The following RUNX1T1 variants were observed in gnomAD, a reference collection of about 807,000 sequenced individuals.
RUNX1T1 encodes RUNX1 partner transcriptional co-repressor 1, also known as protein CBFA2T1.
A neutral mutation model predicts 62.8 loss-of-function variants in RUNX1T1; 4 were observed. That is an observed-to-expected ratio of 0.06 (90% CI 0.03 to 0.15). RUNX1T1 has a LOEUF of 0.15. RUNX1T1 is among the 10% of genes least tolerant of loss of function. RUNX1T1 has a pLI of 1.00. For missense variants in RUNX1T1, 508 were observed against 754.3 expected (o/e 0.67, Z 3.82); for synonymous variants, 291 against 286.0 (o/e 1.02, Z -0.18).
chr8:91,986,309 A>G, exon 8 of RUNX1T1: 2 of 1,613,404 alleles, frequency 1.2e-6, no homozygotes, highest in Non-Finnish European at 1.7e-6. Flanking sequence ...TACCATGTCC[A>G]TTATGCAGTT....
At chr8:92,052,033 C>T (rs1351502367) in intron 1 of RUNX1T1, among the ~76,000 whole-genome samples, 3 of 152,136 alleles carry the variant, frequency 2.0e-5, no homozygotes, top group Non-Finnish European at 4.4e-5. Context: ...TATTTTATCA[C>T]AGGAGGCAGA....
At chr8:92,040,688 C>T (rs1246973104) in intron 1 of RUNX1T1, among the ~76,000 whole-genome samples, 1 of 152,098 alleles carries the variant, frequency 6.6e-6, no homozygotes, top group Non-Finnish European at 1.5e-5. Context: ...TTGTAAAAAT[C>T]TTTGTACATG....
intron 1 of RUNX1T1, among the ~76,000 whole-genome samples, chr8:92,094,874 T>C (rs1431070886): frequency 6.6e-6 from 1 of 152,180 alleles, no homozygotes; most frequent in East Asian, 1.9e-4. Flanking sequence ...ACTAATCAAG[T>C]TGTTAAGCAG....
chr8:92,072,649 T>G (rs1048485252), intron 2 of RUNX1T1, among the ~76,000 whole-genome samples: 9 of 152,220 alleles, frequency 5.9e-5, no homozygotes, highest in African/African-American at 1.9e-4. Context: ...GGCAAAGAGA[T>G]TCAAATAAAT....
intron 2 of RUNX1T1, among the ~76,000 whole-genome samples, chr8:92,073,879 G>T (rs1040039670): frequency 6.6e-6 from 1 of 151,962 alleles, no homozygotes; most frequent in African/African-American, 2.4e-5. Context: ...TAATTTTTTT[G>T]TAGAGATGGG....
At chr8:92,075,381 A>C (rs1834268815) in intron 2 of RUNX1T1, among the ~76,000 whole-genome samples, 1 of 152,270 alleles carries the variant, frequency 6.6e-6, no homozygotes, top group Admixed American at 6.5e-5. Context: ...GTCTCTTGCC[A>C]AATGGCAATA....
At chr8:92,007,101 G>C (rs190265687) in intron 4 of RUNX1T1, among the ~76,000 whole-genome samples, 59 of 152,242 alleles carry the variant, frequency 3.9e-4, no homozygotes, top group Admixed American at 3.7e-3. Flanking sequence ...AGAGAGCTTA[G>C]ATACCTTGTG....
intron 1 of RUNX1T1, among the ~76,000 whole-genome samples, chr8:92,048,091 C>T (rs983964425): frequency 3.3e-5 from 5 of 152,144 alleles, no homozygotes; most frequent in African/African-American, 7.2e-5. Context: ...TGTTGTCAAA[C>T]GTTTAGCTCA....
chr8:92,094,976 C>G, intron 1 of RUNX1T1: 1 of 1,380,014 alleles, frequency 7.2e-7, no homozygotes, highest in East Asian at 2.5e-5. Flanking sequence ...TAAACCTATT[C>G]AGACTGGCAA....
intron 1 of RUNX1T1, among the ~76,000 whole-genome samples, chr8:92,051,569 TAC>T (rs1244135166): frequency 1.3e-5 from 2 of 148,170 alleles, no homozygotes; most frequent in East Asian, 2.0e-4. Flanking sequence ...CTCTCTCACA[TAC>T]ACACACTCTC....
intron 6 of RUNX1T1, among the ~76,000 whole-genome samples, chr8:91,990,174 A>C (rs963885439): frequency 2.0e-5 from 3 of 152,208 alleles, no homozygotes; most frequent in African/African-American, 7.2e-5. Flanking sequence ...CCTGTGGCAA[A>C]AAAACAAAAA....
intron 1 of RUNX1T1, among the ~76,000 whole-genome samples, chr8:92,078,290 CCCTT>C (rs934841994): frequency 1.3e-5 from 2 of 151,474 alleles, no homozygotes; most frequent in African/African-American, 4.8e-5. Context: ...ACATTAAATG[CCCTT>C]CCAATATGAA....
chr8:92,072,768 C>G (rs1044355450), intron 2 of RUNX1T1, among the ~76,000 whole-genome samples: 4 of 152,212 alleles, frequency 2.6e-5, no homozygotes, highest in South Asian at 4.1e-4. Context: ...CAAACATGAC[C>G]AAGAAAAACT....
intron 1 of RUNX1T1, among the ~76,000 whole-genome samples, chr8:92,032,830 C>G (rs746157513): frequency 1.3e-5 from 2 of 152,016 alleles, no homozygotes; most frequent in Non-Finnish European, 2.9e-5. Flanking sequence ...AACAGCCCAA[C>G]AGAACAAAAA....
At chr8:92,091,627 C>T (rs964674792) in intron 1 of RUNX1T1, among the ~76,000 whole-genome samples, 1 of 152,162 alleles carries the variant, frequency 6.6e-6, no homozygotes, top group African/African-American at 2.4e-5. Context: ...TTTTTGTACA[C>T]TGATATGTGA....
intron 1 of RUNX1T1, among the ~76,000 whole-genome samples, chr8:92,088,193 C>A (rs1281431055): frequency 1.3e-5 from 2 of 152,204 alleles, no homozygotes; most frequent in Non-Finnish European, 2.9e-5. Context: ...AGAACACTTT[C>A]ACAGGAAAGG....
intron 1 of RUNX1T1, among the ~76,000 whole-genome samples, chr8:92,028,380 G>A (rs1587127117): frequency 6.6e-6 from 1 of 152,202 alleles, no homozygotes; most frequent in South Asian, 2.1e-4. Context: ...TTACTTGTAT[G>A]TCTAAGTCCT....
chr8:91,985,227 G>A (rs1019044982), intron 8 of RUNX1T1, among the ~76,000 whole-genome samples: 1 of 152,102 alleles, frequency 6.6e-6, no homozygotes, highest in East Asian at 1.9e-4. Flanking sequence ...ATCCACCTTC[G>A]TAAGTTTACT....
chr8:91,975,992 G>A lies in RUNX1T1; in HGVS notation c.1199-19C>T. The A allele has an allele frequency of 6.3e-7, 1 of 1,591,876 alleles. No individual in the cohort carries two copies. The highest frequency in any genetic ancestry group is 8.6e-7 in the Non-Finnish European group (1 of 1,159,790). ...TGCGCGTCTATGAAAAGGATGGGAA[G>A]GGGGTGGAGAGAGGAGGAGAGTACT... On this transcript the variant is annotated intron_variant, in intron 8 of 10. Coordinates refer to ENST00000396218, the Ensembl canonical transcript of RUNX1T1.
Sources: gnomAD v4.1 joint callset for allele counts (sites outside exome capture counted in the v4.1 genomes callset) on GRCh38, gnomAD v4.1.1 for gene constraint, MANE v1.5 for transcripts, NCBI Gene and HGNC (gene_info 2026-07-23, HGNC 2026-07-21) for gene names.